Variants in NOL4 observed in about 807,000 individuals in gnomAD.
NOL4 encodes the protein nucleolar protein 4, also known as cancer/testis antigen 125.
A neutral mutation model predicts 75.9 loss-of-function variants in NOL4; 17 were observed. That is an observed-to-expected ratio of 0.22 (90% CI 0.15 to 0.34). The LOEUF (loss-of-function observed/expected upper bound fraction) is 0.34. Ranked by LOEUF, NOL4 falls within the 10% of genes least tolerant of loss-of-function variation. The pLI is 1.00. For synonymous variants in NOL4, 292 were observed against 289.9 expected (o/e 1.01, Z -0.07); for missense variants, 614 against 793.5 (o/e 0.77, Z 2.72).
rs186817200 is a variant in NOL4, at chr18:33,952,768, T to C, written c.1428+4558A>G. On this transcript the variant is annotated intron_variant, in intron 8 of 10. Coordinates refer to ENST00000261592, the MANE Select transcript of NOL4 (RefSeq NM_003787.5). ...GGAGAAACCCCATCTCTACTAAAAATACAAAAGTAGCCAGGTGTTTTGGTG... is the reference window on the plus strand; with the variant it reads ...GGAGAAACCCCATCTCTACTAAAAACACAAAAGTAGCCAGGTGTTTTGGTG... Among the ~76,000 whole-genome samples, 365 of 152,184 alleles carry C rather than the reference T, an allele frequency of 2.4e-3. 1 individual carries two copies. The highest frequency in any genetic ancestry group is 4.1e-3 in the Non-Finnish European group (278 of 67,992).
At chr18:33,882,769 C>A (rs1487128543) in intron 10 of NOL4, among the ~76,000 whole-genome samples, 1 of 151,964 alleles carries the variant, frequency 6.6e-6, no homozygotes, top group East Asian at 1.9e-4. Flanking sequence ...ATGTTTATTG[C>A]GGCACTGTTC....
chr18:34,185,871 C>A (rs2034424253), intron 1 of NOL4, among the ~76,000 whole-genome samples: 2 of 152,164 alleles, frequency 1.3e-5, no homozygotes. Context: ...CCTCAAAAGA[C>A]TTGTAATAAC....
chr18:33,863,068 A>T (rs982841140), intron 10 of NOL4, among the ~76,000 whole-genome samples: 8 of 152,224 alleles, frequency 5.3e-5, no homozygotes, highest in African/African-American at 1.7e-4. Flanking sequence ...TGGCACATAT[A>T]CACCATGGAA....
intron 1 of NOL4, among the ~76,000 whole-genome samples, chr18:34,133,513 G>C (rs1044852070): frequency 6.6e-6 from 1 of 151,842 alleles, no homozygotes; most frequent in Non-Finnish European, 1.5e-5. Context: ...GTTAAAGACA[G>C]TATAATTGCA....
intron 9 of NOL4, among the ~76,000 whole-genome samples, chr18:33,908,472 G>A (rs1433152883): frequency 6.6e-6 from 1 of 152,096 alleles, no homozygotes; most frequent in African/African-American, 2.4e-5. Flanking sequence ...AACTTTTGAT[G>A]AGCATTATGT....
chr18:33,958,130 C>T, intron 7 of NOL4, 109 bp downstream of exon 7: 4 of 1,049,492 alleles, frequency 3.8e-6, no homozygotes, highest in Admixed American at 4.7e-5. Flanking sequence ...TTAAATCCTT[C>T]TGTAAATTAA....
intron 10 of NOL4, among the ~76,000 whole-genome samples, chr18:33,874,958 A>T: frequency 6.6e-6 from 1 of 151,992 alleles, no homozygotes; most frequent in East Asian, 1.9e-4. Flanking sequence ...GAATGTTAAG[A>T]GTTGGGAAAA....
chr18:34,192,194 A>G (rs1177592921), intron 1 of NOL4, among the ~76,000 whole-genome samples: 1 of 152,134 alleles, frequency 6.6e-6, no homozygotes, highest in Non-Finnish European at 1.5e-5. Flanking sequence ...TTCTTTAGTA[A>G]AACAAATCAT....
rs776066239 is a variant in NOL4, at chr18:33,952,606, C to T, written c.1428+4720G>A. 1.3e-4 allele frequency among the ~76,000 whole-genome samples: 20 copies of T among 152,130 alleles called. No homozygotes were observed. In the South Asian group the frequency reaches 1.9e-3, roughly 14 times the overall value. On this transcript the variant is annotated intron_variant, in intron 8 of 10. Transcript: ENST00000261592. ...GGTCTCTCAGTTTCAAAAGGTCATACGCTAAAACATTATAGAAAGAAATAT... is the reference window on the plus strand; with the variant it reads ...GGTCTCTCAGTTTCAAAAGGTCATATGCTAAAACATTATAGAAAGAAATAT...
intron 6 of NOL4, among the ~76,000 whole-genome samples, chr18:33,989,808 C>T (rs2072780110): frequency 6.6e-6 from 1 of 152,100 alleles, no homozygotes; most frequent in Non-Finnish European, 1.5e-5. Flanking sequence ...AATTTCCTTA[C>T]TGTTACTTCA....
intron 1 of NOL4, among the ~76,000 whole-genome samples, chr18:34,209,983 TA>T (rs1275105372): frequency 6.6e-6 from 1 of 152,230 alleles, no homozygotes; most frequent in Non-Finnish European, 1.5e-5. Flanking sequence ...CTTTAATTCA[TA>T]GTTCTATGGC....
At chr18:34,130,692 G>A (rs1171369178) in intron 1 of NOL4, among the ~76,000 whole-genome samples, 2 of 152,032 alleles carry the variant, frequency 1.3e-5, no homozygotes, top group Admixed American at 6.6e-5. Flanking sequence ...CAAAACTGTT[G>A]TAAGAATTAA....
chr18:33,969,830 T>A (rs1324603913), intron 6 of NOL4, among the ~76,000 whole-genome samples: 1 of 151,700 alleles, frequency 6.6e-6, no homozygotes, highest in East Asian at 1.9e-4. Flanking sequence ...TAAAAATAAA[T>A]CCTTTTATCA....
chr18:33,985,820 A>C (rs573506577), intron 6 of NOL4, among the ~76,000 whole-genome samples: 29 of 152,262 alleles, frequency 1.9e-4, no homozygotes, highest in African/African-American at 7.0e-4. Flanking sequence ...AAATGAATGC[A>C]AAGTTCTGAC....
At chr18:34,098,999 G>T (rs1020189708) in intron 4 of NOL4, among the ~76,000 whole-genome samples, 5 of 152,102 alleles carry the variant, frequency 3.3e-5, no homozygotes, top group Admixed American at 6.6e-5. Flanking sequence ...CATAAAAAGA[G>T]TAATTTAATA....
intron 5 of NOL4, among the ~76,000 whole-genome samples, chr18:34,055,292 C>G (rs899887460): frequency 6.6e-6 from 1 of 151,934 alleles, no homozygotes; most frequent in Non-Finnish European, 1.5e-5. Flanking sequence ...ATTTCTTGTA[C>G]AGTAGATCTA....
chr18:34,118,524 C>G (rs1257148479), intron 2 of NOL4, among the ~76,000 whole-genome samples: 1 of 152,128 alleles, frequency 6.6e-6, no homozygotes, highest in Non-Finnish European at 1.5e-5. Context: ...ACATATAGAA[C>G]ACCAAACTCC....
intron 2 of NOL4, among the ~76,000 whole-genome samples, chr18:34,118,814 G>C (rs1176647395): frequency 6.6e-6 from 1 of 151,990 alleles, no homozygotes; most frequent in African/African-American, 2.4e-5. Flanking sequence ...CCATGAAAAA[G>C]GATTAGCAGT....
chr18:34,121,107 C>T (rs1219507277), intron 2 of NOL4: 1 of 152,098 alleles, frequency 6.6e-6, no homozygotes, highest in Non-Finnish European at 1.5e-5. Context: ...CTTTTTCATA[C>T]ATGTTCACTA....
Sources: gnomAD v4.1 joint callset for allele counts (sites outside exome capture counted in the v4.1 genomes callset) on GRCh38, gnomAD v4.1.1 for gene constraint, MANE v1.5 for transcripts, NCBI Gene and HGNC (gene_info 2026-07-23, HGNC 2026-07-21) for gene names.